The following ASIC2 variants were observed in gnomAD, a reference collection of about 807,000 sequenced individuals.
ASIC2 encodes the protein acid sensing ion channel subunit 2.
In ASIC2, 25 loss-of-function variants were observed where a neutral mutation model predicts 57.3. That is an observed-to-expected ratio of 0.44 (90% CI 0.32 to 0.61). The LOEUF (loss-of-function observed/expected upper bound fraction) is 0.61, where lower values mean the gene tolerates loss of function less well. Among genes scored for constraint, ASIC2 ranks in the 20% least tolerant of loss-of-function variants. ASIC2 has a pLI of 0.06. For synonymous variants in ASIC2, 319 were observed against 307.5 expected, an observed-to-expected ratio of 1.04 and a Z score of -0.39; for missense variants, 641 against 738.1, an observed-to-expected ratio of 0.87 and a Z score of 1.52.
intron 1 of ASIC2, among the ~76,000 whole-genome samples, chr17:33,672,938 A>G (rs1042991939): frequency 6.6e-6 from 1 of 152,216 alleles, no homozygotes; most frequent in African/African-American, 2.4e-5. Context: ...AGGTTTGTGA[A>G]ATGGGTCAAT....
chr17:33,578,637 C>CA (rs1341871679), intron 1 of ASIC2, among the ~76,000 whole-genome samples: 1 of 152,052 alleles, frequency 6.6e-6, no homozygotes, highest in Non-Finnish European at 1.5e-5. Context: ...GTCACTATGT[C>CA]ATTAGACTCC....
intron 1 of ASIC2, among the ~76,000 whole-genome samples, chr17:34,089,224 A>G (rs1012952492): frequency 1.3e-5 from 2 of 152,216 alleles, no homozygotes; most frequent in Non-Finnish European, 1.5e-5. Context: ...TGAAGCATCA[A>G]TGCTCAGGCA....
chr17:33,172,358 C>T (rs779240574), intron 1 of ASIC2, among the ~76,000 whole-genome samples: 1 of 152,240 alleles, frequency 6.6e-6, no homozygotes, highest in African/African-American at 2.4e-5. Flanking sequence ...AGTCCCCACC[C>T]CTGCCACAGG....
intron 1 of ASIC2, among the ~76,000 whole-genome samples, chr17:33,962,896 C>G (rs752816471): frequency 1.3e-5 from 2 of 152,300 alleles, no homozygotes; most frequent in Non-Finnish European, 2.9e-5. Flanking sequence ...CTACAGGAAG[C>G]CTTCCTCAAC....
chr17:33,723,302 T>A (rs954617614), intron 1 of ASIC2, among the ~76,000 whole-genome samples: 14 of 152,126 alleles, frequency 9.2e-5, no homozygotes, highest in African/African-American at 3.4e-4. Context: ...ACTCTATGAT[T>A]CCATTTATTT....
At chr17:33,572,604 C>T (rs1916486763) in intron 1 of ASIC2, among the ~76,000 whole-genome samples, 1 of 152,136 alleles carries the variant, frequency 6.6e-6, no homozygotes, top group South Asian at 2.1e-4. Context: ...GTGGTGAGCT[C>T]CCGCCTCCAG....
intron 1 of ASIC2, among the ~76,000 whole-genome samples, chr17:33,870,227 T>G (rs896728777): frequency 1.3e-4 from 10 of 74,784 alleles, no homozygotes; most frequent in Non-Finnish European, 2.1e-4. Context: ...AAATTCTGTT[T>G]TTTTTTTTTT....
At chr17:33,312,745 A>G (rs1906484035) in intron 1 of ASIC2, among the ~76,000 whole-genome samples, 3 of 151,770 alleles carry the variant, frequency 2.0e-5, no homozygotes, top group South Asian at 4.2e-4. Flanking sequence ...GACCAGCCTG[A>G]CCAACATGGA....
In ASIC2 at chr17:33,239,457, C is replaced by T. The variant is rs1423171167; in HGVS notation, c.708+51951G>A. 5.3e-5 allele frequency among the ~76,000 whole-genome samples: 8 copies of T among 152,284 alleles called. No homozygotes were observed. The South Asian group carries it at 8.3e-4, about 16-fold the overall frequency. On this transcript the variant is annotated intron_variant, in intron 1 of 9. Transcript: ENST00000225823. ...TGTTTCACTTATATATTTGTTTACC[C>T]TTATACTCCTTATGGCTTAAGTGAA...
chr17:33,260,574 G>C (rs979959039), intron 1 of ASIC2, among the ~76,000 whole-genome samples: 1 of 152,210 alleles, frequency 6.6e-6, no homozygotes, highest in Non-Finnish European at 1.5e-5. Context: ...CGGGGAATAC[G>C]AGGTCTTTGC....
intron 1 of ASIC2, among the ~76,000 whole-genome samples, chr17:33,602,720 A>G (rs1905140574): frequency 6.6e-6 from 1 of 152,184 alleles, no homozygotes. Context: ...GGCTCCAGCC[A>G]CACAAGCCTC....
chr17:33,204,836 A>G (rs760978687), intron 1 of ASIC2, among the ~76,000 whole-genome samples: 2 of 152,230 alleles, frequency 1.3e-5, no homozygotes, highest in African/African-American at 4.8e-5. Context: ...AGCAGCCATC[A>G]TGAAGAGACA....
chr17:33,464,564 TTTCTCTCTTTCTC>T (rs1912788345), intron 1 of ASIC2, among the ~76,000 whole-genome samples: 3 of 82,512 alleles, frequency 3.6e-5, no homozygotes, highest in African/African-American at 9.7e-5. Flanking sequence ...CTTTCTTTCT[TTTCTCTCTTTCTC>T]TCTTTATCTC....
At chr17:34,092,517 C>T (rs1910369361) in intron 1 of ASIC2, among the ~76,000 whole-genome samples, 1 of 152,060 alleles carries the variant, frequency 6.6e-6, no homozygotes, top group South Asian at 2.1e-4. Context: ...GCTGGTCTGG[C>T]CCTGTAGGCA....
chr17:33,175,302 T>G (rs1905705749), intron 1 of ASIC2, among the ~76,000 whole-genome samples: 1 of 152,212 alleles, frequency 6.6e-6, no homozygotes, highest in African/African-American at 2.4e-5. Context: ...GCTTTTCTCC[T>G]TCTTATCTCT....
At chr17:33,626,552 A>G (rs1004625695) in intron 1 of ASIC2, among the ~76,000 whole-genome samples, 1 of 152,188 alleles carries the variant, frequency 6.6e-6, no homozygotes, top group Non-Finnish European at 1.5e-5. Context: ...AAATCCTTCA[A>G]TAGTCCAGCA....
intron 1 of ASIC2, chr17:33,692,336 A>G (rs902719821): frequency 6.6e-6 from 1 of 152,118 alleles, no homozygotes; most frequent in Non-Finnish European, 1.5e-5. Context: ...AAGTAAATAT[A>G]CTATACATTA....
rs374811420 is a variant in ASIC2, at chr17:33,098,071, C to T, written c.860-9081G>A. ...GGTGACCTCAGGCACGTTAAATTGC[C>T]CCTCTGAGCTTTAGTTTCCTCTGTT... On this transcript the variant is annotated intron_variant, in intron 2 of 9. Transcript: ENST00000225823. 2.4e-3 allele frequency among the ~76,000 whole-genome samples: 364 copies of T among 152,304 alleles called. 4 individuals carry two copies. Among genetic ancestry groups the T allele is most frequent in the African/African-American group, 8.5e-3 (355 of 41,568 alleles).
At chr17:33,853,459 C>G (rs962154602) in intron 1 of ASIC2, among the ~76,000 whole-genome samples, 2 of 152,168 alleles carry the variant, frequency 1.3e-5, no homozygotes, top group Non-Finnish European at 2.9e-5. Context: ...CACAAAGAAA[C>G]TGTGCAAGAA....
Sources: allele counts gnomAD v4.1 joint callset (sites outside exome capture counted in the v4.1 genomes callset), GRCh38; gene constraint gnomAD v4.1.1; transcripts MANE v1.5; gene names NCBI Gene and HGNC (gene_info 2026-07-23, HGNC 2026-07-21).